Variants in TRRAP observed in about 807,000 individuals in gnomAD.
TRRAP encodes transformation/transcription domain associated protein.
TRRAP carries 41 observed loss-of-function variants against 438.8 expected under a neutral mutation model. That is an observed-to-expected ratio of 0.09 (90% CI 0.07 to 0.12). The LOEUF is 0.12. Among genes scored for constraint, TRRAP ranks in the 10% least tolerant of loss-of-function variants. The pLI, the probability that TRRAP is intolerant of heterozygous loss-of-function variation, is 1.00. For missense variants in TRRAP, 3,122 were observed against 5,055.1 expected (o/e 0.62, Z 11.60); for synonymous variants, 1,994 against 1,962.9 (o/e 1.02, Z -0.42).
chr7:98,918,032 A>G (rs904572936), intron 20 of TRRAP, among the ~76,000 whole-genome samples: 19 of 151,486 alleles, frequency 1.3e-4, no homozygotes, highest in African/African-American at 4.4e-4. Context: ...AGGCAGGGGG[A>G]TCACCTGAGC....
intron 53 of TRRAP, among the ~76,000 whole-genome samples, chr7:98,972,504 A>G (rs1456030282): frequency 6.6e-6 from 1 of 152,198 alleles, no homozygotes; most frequent in East Asian, 1.9e-4. Context: ...TAAATGAGTT[A>G]ATTTGCTAAA....
rs1794133490 is a variant in TRRAP at position 99,005,728 on chromosome 7, T to C, written c.10753+380T>C. Among the ~76,000 whole-genome samples, 1 of 152,152 alleles carries C rather than the reference T, an allele frequency of 6.6e-6. No individual in the cohort carries two copies. The highest frequency in any genetic ancestry group is 6.5e-5 in the Admixed American group (1 of 15,276). On this transcript the variant is annotated intron_variant, in intron 69 of 72. Transcript: ENST00000456197. The surrounding 1 kb of genome is among the most constrained non-coding windows in gnomAD (Gnocchi z 5.1). ...GCTCATCACCTGTCGTGTCAGTGTA[T>C]TTTATGTGTGGCCTGAGACAATTCT...
rs918687625 is a variant in TRRAP at position 98,903,528 on chromosome 7, C to G, written c.1036+11C>G. ...CAGAGCTGAGAAACCGTACGTCCAG[C>G]CTGTCTTGTCTTGAATGCTGATGCT... On this transcript the variant is annotated intron_variant, in intron 12 of 72. Transcript: ENST00000456197. 16 of 1,613,804 alleles carry G rather than the reference C, an allele frequency of 9.9e-6. No homozygotes were observed. Among genetic ancestry groups the G allele is most frequent in the Non-Finnish European group, 1.3e-5 (15 of 1,179,950 alleles).
intron 30 of TRRAP, among the ~76,000 whole-genome samples, chr7:98,938,555 T>A (rs1790657754): frequency 1.5e-5 from 1 of 68,300 alleles, no homozygotes; most frequent in Non-Finnish European, 5.7e-5. Flanking sequence ...TAAAAGGGGG[T>A]ACAATATATA....
At chr7:98,890,806 A>AT (rs1491136614) in intron 4 of TRRAP, among the ~76,000 whole-genome samples, 3 of 56,568 alleles carry the variant, frequency 5.3e-5, no homozygotes, top group Admixed American at 2.2e-4. Flanking sequence ...TTTTTTTTTT[A>AT]AAAGACAAGG....
In TRRAP at chr7:98,990,434, G is replaced by T. The variant is rs1260994555; in HGVS notation, c.9592-21G>T. 3 of 1,608,996 alleles carry T rather than the reference G, an allele frequency of 1.9e-6. No individual in the cohort carries two copies. The East Asian group carries it at 6.7e-5, about 36-fold the overall frequency. ...GCTTCAGAATTGTCATTCTACTCTA[G>T]AATTTCTCCTTCTGTCTCAGGTGCT... On this transcript the variant is annotated intron_variant, in intron 63 of 72. Transcript: ENST00000456197.
At chr7:98,987,258 A>G (rs1793193134) in intron 62 of TRRAP, among the ~76,000 whole-genome samples, 1 of 152,226 alleles carries the variant, frequency 6.6e-6, no homozygotes, top group African/African-American at 2.4e-5. Context: ...ATTTCTGCCA[A>G]AACAGTTGGA....
In TRRAP at chr7:98,949,390, C is replaced by T. The variant is rs371730999; in HGVS notation, c.4789-27C>T. ...TTCTGTGAGTTTGATTAGCTTAAAA[C>T]GGCTTTTCTATTTGTTTTGCTTTCA... On this transcript the variant is annotated intron_variant, in intron 35 of 72. Transcript: ENST00000456197. 12 of 1,491,758 alleles carry T rather than the reference C, an allele frequency of 8.0e-6. 1 individual carries two copies. The highest frequency in any genetic ancestry group is 2.5e-5 in the Admixed American group (1 of 40,446). 92.4% of individuals were successfully genotyped at this position (1,491,758 alleles called of 1,614,324 possible). A position where few individuals can be genotyped will look rare whatever the true frequency, so the allele number is the denominator to read the frequency against.
At chr7:98,900,907 A>G (rs1256999790) in intron 11 of TRRAP, among the ~76,000 whole-genome samples, 187 bp downstream of exon 11, 1 of 152,108 alleles carries the variant, frequency 6.6e-6, no homozygotes, top group Non-Finnish European at 1.5e-5. Flanking sequence ...GTTTCTTCCC[A>G]CCACCTCCAT....
chr7:98,881,886 T>G, intron 2 of TRRAP, 89 bp from the exon 3 acceptor site: 3 of 1,416,250 alleles, frequency 2.1e-6, no homozygotes, highest in Non-Finnish European at 2.9e-6. Context: ...ATCTGATTGC[T>G]TCTCTTAAAT....
intron 20 of TRRAP, among the ~76,000 whole-genome samples, chr7:98,921,517 A>C (rs1236764766): frequency 2.6e-5 from 4 of 152,158 alleles, no homozygotes; most frequent in African/African-American, 7.2e-5. Flanking sequence ...CTGGGATTAC[A>C]ACAGCCTGCC....
chr7:98,940,506 A>G (rs1198402803), intron 30 of TRRAP, among the ~76,000 whole-genome samples: 1 of 152,138 alleles, frequency 6.6e-6, no homozygotes, highest in Non-Finnish European at 1.5e-5. Flanking sequence ...CTGGGAATTC[A>G]TTCAGTGAAC....
intron 19 of TRRAP, among the ~76,000 whole-genome samples, chr7:98,916,828 C>G (rs974028882): frequency 6.6e-6 from 1 of 152,158 alleles, no homozygotes; most frequent in African/African-American, 2.4e-5. Flanking sequence ...GGTTCTGCTG[C>G]CCCGTGAGGC....
At position 98,972,021 on chromosome 7, in the gene TRRAP, C is replaced by T. The variant is rs974807944; in HGVS notation, c.7839+76C>T. 4.6e-6 allele frequency: 7 copies of T among 1,509,718 alleles called. No homozygotes were observed. In the Admixed American group the frequency reaches 9.3e-5, roughly 20 times the overall value. The allele number at this position is 1,509,718 out of a possible 1,614,324, so 93.5% of individuals were successfully genotyped here. A position where few individuals can be genotyped will look rare whatever the true frequency, so the allele number is the denominator to read the frequency against. On this transcript the variant is annotated intron_variant, in intron 53 of 72. Transcript: ENST00000456197. ...CAAAGCCTAAATCAGGATCATTCCA[C>T]AGCAGTGTAACTTTTTCTGTTTCTT...
intron 3 of TRRAP, among the ~76,000 whole-genome samples, chr7:98,886,361 T>C (rs1562924971): frequency 1.3e-5 from 2 of 151,474 alleles, no homozygotes. Context: ...TCTATATAGA[T>C]AGAGATAGAT....
At chr7:98,902,788 T>G (rs1273727038) in intron 11 of TRRAP, among the ~76,000 whole-genome samples, 3 of 151,376 alleles carry the variant, frequency 2.0e-5, no homozygotes, top group Non-Finnish European at 2.9e-5. Flanking sequence ...AGTAATTACC[T>G]TAAAAAAAAT....
At chr7:98,880,096 A>G (rs79855927) in intron 1 of TRRAP, among the ~76,000 whole-genome samples, 1 of 152,108 alleles carries the variant, frequency 6.6e-6, no homozygotes, top group South Asian at 2.1e-4. Context: ...AACAGAATTT[A>G]TAGTTTCCCG....
intron 35 of TRRAP, among the ~76,000 whole-genome samples, chr7:98,949,038 G>A (rs1554417532): frequency 3.9e-5 from 6 of 152,302 alleles, no homozygotes; most frequent in Non-Finnish European, 7.3e-5. Context: ...TTTGAGACCA[G>A]CATGGGCAAC....
At chr7:98,978,135 TA>T in intron 56 of TRRAP, 75 bp from the exon 57 acceptor site, 1 of 1,362,914 alleles carries the variant, frequency 7.3e-7, no homozygotes, top group Non-Finnish European at 1.0e-6. Context: ...AACTTAGTTC[TA>T]AGTTTTAAAT....
Sources: gnomAD v4.1 joint callset for allele counts (sites outside exome capture counted in the v4.1 genomes callset) on GRCh38, gnomAD v4.1.1 for gene constraint, Gnocchi (gnomAD v3.1) non-coding constraint, MANE v1.5 for transcripts, NCBI Gene and HGNC (gene_info 2026-07-23, HGNC 2026-07-21) for gene names.